BORCS5: variants seen among roughly 807,000 people sequenced by gnomAD.
The protein encoded by BORCS5 is BLOC-1 related complex subunit 5.
BORCS5 carries 17 observed loss-of-function variants against 22.1 expected under a neutral mutation model. The observed-to-expected ratio is 0.77, with a 90% confidence interval of 0.53 to 1.15. The LOEUF is 1.15. BORCS5 is among the 50% of genes most tolerant of loss of function. The pLI, the probability that BORCS5 is intolerant of heterozygous loss-of-function variation, is 0.00. For synonymous variants in BORCS5, 117 were observed against 99.8 expected (o/e 1.17, Z -1.03); for missense variants, 247 against 253.2 (o/e 0.98, Z 0.17).
intron 2 of BORCS5, among the ~76,000 whole-genome samples, chr12:12,370,099 T>TACACACAC (rs56408181): frequency 0.012 from 1,692 of 145,382 alleles, 38 homozygotes; most frequent in East Asian, 0.099. Context: ...AGTGGTTTTA[T>TACACACAC]ACACACACAC....
intron 3 of BORCS5, among the ~76,000 whole-genome samples, chr12:12,441,279 GC>G (rs1942678224): frequency 1.3e-5 from 2 of 152,202 alleles, no homozygotes; most frequent in Non-Finnish European, 2.9e-5. Context: ...ACTTGTATTT[GC>G]TCTTTGTATT....
At chr12:12,409,772 A>G in intron 2 of BORCS5, among the ~76,000 whole-genome samples, 1 of 151,342 alleles carries the variant, frequency 6.6e-6, no homozygotes, top group Non-Finnish European at 1.5e-5. Flanking sequence ...GTCAAATGGT[A>G]TTTCTAGTTC....
At chr12:12,437,950 A>G (rs1942588550) in intron 3 of BORCS5, among the ~76,000 whole-genome samples, 1 of 151,984 alleles carries the variant, frequency 6.6e-6, no homozygotes, top group Non-Finnish European at 1.5e-5. Context: ...GATGTTTTCA[A>G]ACTCCTCAGC....
intron 2 of BORCS5, among the ~76,000 whole-genome samples, chr12:12,399,382 G>T (rs900605881): frequency 6.6e-6 from 1 of 152,180 alleles, no homozygotes; most frequent in South Asian, 2.1e-4. Flanking sequence ...TCACTCTCCA[G>T]CTCTTTGGGT....
chr12:12,428,695 A>T (rs1942349616), intron 2 of BORCS5, among the ~76,000 whole-genome samples: 1 of 152,184 alleles, frequency 6.6e-6, no homozygotes, highest in Admixed American at 6.5e-5. Flanking sequence ...GTTCTTCTTT[A>T]TGGAGTATTA....
At chr12:12,446,703 A>G (rs7967038) in intron 3 of BORCS5, among the ~76,000 whole-genome samples, 95,509 of 152,070 alleles carry the variant, frequency 0.63, 31,220 homozygotes, top group African/African-American at 0.8. Flanking sequence ...CTATAGTATT[A>G]TAAGACTTTA....
At chr12:12,403,478 G>C (rs147277545) in intron 2 of BORCS5, among the ~76,000 whole-genome samples, 3 of 152,224 alleles carry the variant, frequency 2.0e-5, no homozygotes, top group East Asian at 1.9e-4. Context: ...AGTCCGCTGT[G>C]GGGGGCACCT....
chr12:12,432,149 T>C (rs545583268), intron 2 of BORCS5, among the ~76,000 whole-genome samples: 15 of 152,314 alleles, frequency 9.8e-5, no homozygotes, highest in African/African-American at 3.6e-4. Flanking sequence ...AATTTTAACT[T>C]GTGTTTGTTG....
chr12:12,366,587 C>T (rs988445672), intron 2 of BORCS5, among the ~76,000 whole-genome samples: 1 of 152,120 alleles, frequency 6.6e-6, no homozygotes, highest in African/African-American at 2.4e-5. Context: ...CTACAAATGG[C>T]TGTGACAGAA....
intron 2 of BORCS5, among the ~76,000 whole-genome samples, chr12:12,418,474 C>A (rs1257596163): frequency 6.6e-6 from 1 of 152,120 alleles, no homozygotes; most frequent in East Asian, 1.9e-4. Context: ...TCACTTGAGG[C>A]AGAAGTTTGA....
rs376358464 is a variant in BORCS5, at chr12:12,438,374, A to AAAAC, written c.360+2592_360+2593insCAAA. On this transcript the variant is annotated intron_variant, in intron 3 of 3. Transcript: ENST00000314565. ...AGATTTCATCTCAAAAAAAAAAAAA[A>AAAAC]AAAAAACGAAAAACAACAACAAAAA... 7.4e-3 allele frequency among the ~76,000 whole-genome samples: 928 copies of AAAAC among 125,034 alleles called. 18 individuals carry two copies. The highest frequency in any genetic ancestry group is 0.014 in the Admixed American group (180 of 12,724). The allele number at this position is 125,034 out of a possible 152,430, so 82.0% of individuals were successfully genotyped here. A position where few individuals can be genotyped will look rare whatever the true frequency, so the allele number is the denominator to read the frequency against.
chr12:12,373,733 G>A (rs1367949273), intron 2 of BORCS5, among the ~76,000 whole-genome samples: 2 of 152,100 alleles, frequency 1.3e-5, no homozygotes, highest in African/African-American at 4.8e-5. Flanking sequence ...ACAAAAAATA[G>A]AAGACATAGT....
intron 1 of BORCS5, among the ~76,000 whole-genome samples, chr12:12,359,787 G>C (rs1197234068): frequency 6.6e-6 from 1 of 152,096 alleles, no homozygotes; most frequent in Non-Finnish European, 1.5e-5. Context: ...TGATGTGGTA[G>C]GGTGGATAGA....
chr12:12,442,402 C>T (rs932802276), intron 3 of BORCS5, among the ~76,000 whole-genome samples: 4 of 152,182 alleles, frequency 2.6e-5, no homozygotes, highest in Admixed American at 2.0e-4. Context: ...TTCCTGTGTG[C>T]TTGCTTGAAG....
chr12:12,369,431 A>G (rs1293040711), intron 2 of BORCS5, among the ~76,000 whole-genome samples: 2 of 151,932 alleles, frequency 1.3e-5, no homozygotes, highest in South Asian at 2.1e-4. Flanking sequence ...TAGGTCTCCC[A>G]TTTTGCTCTT....
At chr12:12,422,288 T>C (rs1473638659) in intron 2 of BORCS5, among the ~76,000 whole-genome samples, 5 of 76,952 alleles carry the variant, frequency 6.5e-5, no homozygotes, top group Admixed American at 4.8e-4. Context: ...TTTTCTTTTA[T>C]TTTTTTTTTT....
At chr12:12,427,686 T>G (rs1942324416) in intron 2 of BORCS5, among the ~76,000 whole-genome samples, 1 of 152,198 alleles carries the variant, frequency 6.6e-6, no homozygotes, top group African/African-American at 2.4e-5. Flanking sequence ...CAGCAAGCAT[T>G]TATCTCTGAT....
intron 2 of BORCS5, among the ~76,000 whole-genome samples, chr12:12,433,092 G>A (rs1318775327): frequency 6.6e-6 from 1 of 152,062 alleles, no homozygotes; most frequent in Non-Finnish European, 1.5e-5. Flanking sequence ...CCAGCACTTT[G>A]GAAGGCTGAG....
intron 2 of BORCS5, among the ~76,000 whole-genome samples, chr12:12,381,345 C>T (rs908845907): frequency 1.3e-5 from 2 of 151,276 alleles, no homozygotes; most frequent in African/African-American, 4.9e-5. Context: ...TGCATTTAGG[C>T]CTGTGATCCT....
Sources: allele counts gnomAD v4.1 joint callset (sites outside exome capture counted in the v4.1 genomes callset), GRCh38; gene constraint gnomAD v4.1.1; transcripts MANE v1.5; gene names NCBI Gene and HGNC (gene_info 2026-07-23, HGNC 2026-07-21).